OSMR: variants seen among roughly 807,000 people sequenced by gnomAD.
The protein encoded by OSMR is oncostatin-M-specific receptor subunit beta.
OSMR carries 81 observed loss-of-function variants against 99.9 expected under a neutral mutation model. The ratio of observed to expected loss-of-function variants is 0.81; its 90% confidence interval spans 0.68 to 0.97. The LOEUF (loss-of-function observed/expected upper bound fraction) is 0.97. Ranked by LOEUF, OSMR falls within the 50% of genes least tolerant of loss-of-function variation. The probability of loss-of-function intolerance (pLI) is 0.00; values close to 1 mark genes in which losing one functional copy is unlikely to be tolerated. For synonymous variants in OSMR, 406 were observed against 410.4 expected, an observed-to-expected ratio of 0.99 and a Z score of 0.13; for missense variants, 1,099 against 1,153.4, an observed-to-expected ratio of 0.95 and a Z score of 0.68.
At position 38,919,017 on chromosome 5, in the gene OSMR, G is replaced by A; in HGVS notation, c.1540G>A (p.Ala514Thr). 6.2e-7 allele frequency: 1 copy of A among 1,614,042 alleles called. No homozygotes were observed. Among genetic ancestry groups the A allele is most frequent in the Non-Finnish European group, 8.5e-7 (1 of 1,179,944 alleles). The part of the protein sequence containing the change: ...ICVIANNSVG[A>T]SPASVIVISA... ...CGTCATAGCCAACAACAGTGTGGGT[G>A]CTTCTCCTGCTTCTGTAATAGTCAT... is the stretch of plus-strand genomic sequence containing the variant. The change falls in exon 11 of 18, where the codon GCT becomes ACT. Residue 514 changes from alanine to threonine, a missense_variant. Physicochemically the swap from Ala to Thr is moderately conservative, Grantham distance 58. Coordinates refer to ENST00000274276, the MANE Select transcript of OSMR (RefSeq NM_003999.3).
chr5:38,942,693 C>A, intron 1 of OSMR: 2 of 629,218 alleles, frequency 3.2e-6, no homozygotes, highest in African/African-American at 1.8e-5. Context: ...TGGGCTCAAG[C>A]AATTCTCCCG....
At chr5:38,917,069 G>C (rs1019205637) in intron 9 of OSMR, among the ~76,000 whole-genome samples, 1 of 152,112 alleles carries the variant, frequency 6.6e-6, no homozygotes, top group Non-Finnish European at 1.5e-5. Flanking sequence ...CCAGTGGAGG[G>C]AGACCAGCAC....
At chr5:38,887,103 A>G (rs76156467) in intron 7 of OSMR, among the ~76,000 whole-genome samples, 6 of 152,162 alleles carry the variant, frequency 3.9e-5, no homozygotes, top group Non-Finnish European at 7.4e-5. Flanking sequence ...AAGCTTATGC[A>G]ATTTGCACAT....
In OSMR at chr5:38,933,275, C is replaced by T; in HGVS notation, c.2771C>T (p.Pro924Leu). ...AATTATGTGTCCCAGTTGGCTTCACCCATGTTTGGAGACAAGGACAGTCTC... is the reference window on the plus strand; with the variant it reads ...AATTATGTGTCCCAGTTGGCTTCACTCATGTTTGGAGACAAGGACAGTCTC... Reference protein sequence around the residue: ...SLNYVSQLASPMFGDKDSLPT... With the variant: ...SLNYVSQLASLMFGDKDSLPT... Residue 924 changes from proline to leucine, a missense_variant, in exon 18 of 18, where the codon CCC becomes CTC. Physicochemically the swap from Pro to Leu is moderately conservative, Grantham distance 98 (BLOSUM62 -3). Coordinates refer to ENST00000274276, the MANE Select transcript of OSMR (RefSeq NM_003999.3). 6.2e-7 allele frequency: 1 copy of T among 1,614,150 alleles called. No individual in the cohort carries two copies. Among genetic ancestry groups the T allele is most frequent in the Non-Finnish European group, 8.5e-7 (1 of 1,180,006 alleles).
chr5:38,945,011 T>G, exon 3 of OSMR: 1 of 1,612,378 alleles, frequency 6.2e-7, no homozygotes, highest in East Asian at 2.2e-5. Context: ...GGGAACCACT[T>G]CTAAAGGATT....
At chr5:38,848,638 TAATA>T (rs2111989865) in intron 1 of OSMR, among the ~76,000 whole-genome samples, 1 of 152,378 alleles carries the variant, frequency 6.6e-6, no homozygotes, top group Non-Finnish European at 1.5e-5. Flanking sequence ...TAGTTTTACA[TAATA>T]CATACATATA....
chr5:38,849,299 T>C (rs893829180), intron 1 of OSMR, among the ~76,000 whole-genome samples: 2 of 152,240 alleles, frequency 1.3e-5, no homozygotes, highest in African/African-American at 2.4e-5. Flanking sequence ...AAGGTAACGA[T>C]GTAACTTAAT....
chr5:38,913,411 G>T (rs545933541), intron 9 of OSMR, among the ~76,000 whole-genome samples: 1 of 152,016 alleles, frequency 6.6e-6, no homozygotes. Flanking sequence ...TCAGCCAGGC[G>T]TGGTGGTGGC....
intron 9 of OSMR, 50 bp downstream of exon 9, chr5:38,904,553 A>G: frequency 6.2e-7 from 1 of 1,611,866 alleles, no homozygotes; most frequent in Non-Finnish European, 8.5e-7. Context: ...CTTAGGAGTT[A>G]GACTGGTTTC....
intron 8 of OSMR, 148 bp from the exon 9 acceptor site, chr5:38,904,202 TGAA>T: frequency 6.6e-7 from 1 of 1,524,976 alleles, no homozygotes; most frequent in Non-Finnish European, 8.8e-7. Context: ...AAATGGGCCT[TGAA>T]GATTTTTTTC....
intron 2 of OSMR, among the ~76,000 whole-genome samples, chr5:38,870,335 T>TC (rs1357110235): frequency 3.8e-5 from 3 of 77,974 alleles, no homozygotes; most frequent in African/African-American, 1.6e-4. Context: ...ATTTTCTTTT[T>TC]TTTTTTTTTT....
intron 9 of OSMR, among the ~76,000 whole-genome samples, chr5:38,906,747 A>C (rs1220821592): frequency 6.6e-6 from 1 of 152,212 alleles, no homozygotes; most frequent in African/African-American, 2.4e-5. Context: ...GTCAATTATT[A>C]GGCAAAAAAG....
At chr5:38,909,260 G>A (rs1046990577) in intron 9 of OSMR, among the ~76,000 whole-genome samples, 2 of 152,198 alleles carry the variant, frequency 1.3e-5, no homozygotes, top group African/African-American at 2.4e-5. Flanking sequence ...TCTTGAAAGA[G>A]AGGCAGAGAA....
chr5:38,856,893 C>T (rs1306254475), intron 1 of OSMR, among the ~76,000 whole-genome samples: 7 of 152,288 alleles, frequency 4.6e-5, no homozygotes, highest in Non-Finnish European at 8.8e-5. Context: ...CCTCCAGCCT[C>T]GGCCTCCCAA....
intron 9 of OSMR, among the ~76,000 whole-genome samples, chr5:38,913,532 A>T (rs530008626): frequency 6.8e-6 from 1 of 146,044 alleles, no homozygotes; most frequent in East Asian, 2.0e-4. Context: ...CCTGGACGAC[A>T]GAGTGAGACT....
At position 38,885,804 on chromosome 5, in the gene OSMR, G is replaced by A. The variant is rs75005246; in HGVS notation, c.840-235G>A. On this transcript the variant is annotated intron_variant, in intron 6 of 17. Transcript: ENST00000274276. Reference sequence around the variant, plus strand: ...GAATATTCCAAGTAAATTAAGGGATGTTCTTGCCACCCACGGGGAGTCAGT... The same window carrying A: ...GAATATTCCAAGTAAATTAAGGGATATTCTTGCCACCCACGGGGAGTCAGT... 2,371 of 884,086 alleles carry A rather than the reference G, an allele frequency of 2.7e-3. 46 individuals carry two copies. The African/African-American group carries it at 0.04, about 15-fold the overall frequency. 54.8% of individuals were successfully genotyped at this position (884,086 alleles called of 1,614,324 possible).
At chr5:38,928,455 CAGG>C (rs1388033691) in intron 15 of OSMR, among the ~76,000 whole-genome samples, 2 of 152,122 alleles carry the variant, frequency 1.3e-5, no homozygotes, top group East Asian at 1.9e-4. Flanking sequence ...ATAATTATGG[CAGG>C]AGGAGAAGCA....
chr5:38,892,858 G>A (rs778724279), intron 7 of OSMR, among the ~76,000 whole-genome samples: 1 of 152,028 alleles, frequency 6.6e-6, no homozygotes, highest in African/African-American at 2.4e-5. Flanking sequence ...AGCTGGTGAC[G>A]CCACCTTACC....
intron 1 of OSMR, among the ~76,000 whole-genome samples, chr5:38,862,641 G>C (rs1332089090): frequency 4.0e-5 from 6 of 149,592 alleles, no homozygotes; most frequent in Non-Finnish European, 6.0e-5. Flanking sequence ...CATCCCAGAC[G>C]GGGCGGCAGG....
Sources: gnomAD v4.1 joint callset for allele counts (sites outside exome capture counted in the v4.1 genomes callset) on GRCh38, gnomAD v4.1.1 for gene constraint, MANE v1.5 for transcripts, NCBI Gene and HGNC (gene_info 2026-07-23, HGNC 2026-07-21) for gene names.